The following MSI2 variants were observed in gnomAD, a reference collection of about 807,000 sequenced individuals.
MSI2 encodes RNA-binding protein Musashi homolog 2.
Under a neutral mutation model 45.6 loss-of-function variants are expected in MSI2, and 17 were observed. The observed-to-expected ratio is 0.37, with a 90% confidence interval of 0.26 to 0.56. MSI2 has a LOEUF of 0.56. MSI2 is among the 20% of genes least tolerant of loss of function. MSI2 has a pLI of 0.77. For missense variants in MSI2, 293 were observed against 444.2 expected, an observed-to-expected ratio of 0.66 and a Z score of 3.06; for synonymous variants, 156 against 158.2, an observed-to-expected ratio of 0.99 and a Z score of 0.11.
chr17:57,613,974 T>C (rs1190773909), intron 8 of MSI2, among the ~76,000 whole-genome samples: 1 of 152,194 alleles, frequency 6.6e-6, no homozygotes, highest in Non-Finnish European at 1.5e-5. Context: ...TAAAATATTT[T>C]TTGATTGAAG....
At chr17:57,295,892 C>T (rs1910882975) in intron 5 of MSI2, among the ~76,000 whole-genome samples, 3 of 150,690 alleles carry the variant, frequency 2.0e-5, no homozygotes. Context: ...GAAGGAATTC[C>T]ATAGAACTTT....
At chr17:57,632,980 CT>C in intron 10 of MSI2, 1 of 1,050,602 alleles carries the variant, frequency 9.5e-7, no homozygotes. Flanking sequence ...ATCTGTATGG[CT>C]TTTCCCCATC....
rs56937102 is a variant in MSI2, at chr17:57,314,564, A to AT, written c.312+52398dup. Among the ~76,000 whole-genome samples the AT allele has an allele frequency of 2.8e-3, 172 of 61,640 alleles. 9 individuals carry two copies. Among genetic ancestry groups the AT allele is most frequent in the East Asian group, 0.018 (41 of 2,238 alleles). 40.4% of individuals were successfully genotyped at this position (61,640 alleles called of 152,430 possible). A position where few individuals can be genotyped will look rare whatever the true frequency, so the allele number is the denominator to read the frequency against. ...ACCACCTGTTCAGTCAGGCACCTGG[A>AT]TTTTTTTTTTTTTTTTTTTTTTTTT... is the stretch of plus-strand genomic sequence containing the variant. On this transcript the variant is annotated intron_variant, in intron 5 of 13. Coordinates refer to ENST00000284073, the MANE Select transcript of MSI2 (RefSeq NM_138962.4).
At chr17:57,580,744 G>A (rs2088178770) in intron 7 of MSI2, among the ~76,000 whole-genome samples, 3 of 152,146 alleles carry the variant, frequency 2.0e-5, no homozygotes, top group African/African-American at 7.2e-5. Flanking sequence ...AGTTTGCACT[G>A]GAGACGACAA....
chr17:57,506,222 C>T (rs1021946358), intron 6 of MSI2, among the ~76,000 whole-genome samples: 2 of 152,164 alleles, frequency 1.3e-5, no homozygotes, highest in South Asian at 2.1e-4. Context: ...TTCCCTGCTC[C>T]GGCTCTTTCT....
intron 10 of MSI2, among the ~76,000 whole-genome samples, chr17:57,645,745 G>A (rs1288064428): frequency 1.3e-5 from 2 of 152,212 alleles, no homozygotes; most frequent in East Asian, 3.9e-4. Flanking sequence ...GCTTTTAAAG[G>A]TCCCAGTGCC....
intron 7 of MSI2, among the ~76,000 whole-genome samples, chr17:57,576,753 T>A (rs1367333458): frequency 3.1e-5 from 4 of 128,700 alleles, no homozygotes; most frequent in Non-Finnish European, 3.3e-5. Flanking sequence ...AATCTGTCTT[T>A]AAAAAAAAAA....
chr17:57,690,073 A>G, the MSI2 span, among the ~76,000 whole-genome samples: 1 of 151,886 alleles, frequency 6.6e-6, no homozygotes, highest in Non-Finnish European at 1.5e-5. Flanking sequence ...AAGTGACTGC[A>G]ATATTTTGCA....
At chr17:57,534,242 G>A (rs772563420) in intron 7 of MSI2, among the ~76,000 whole-genome samples, 8 of 152,208 alleles carry the variant, frequency 5.3e-5, no homozygotes, top group Non-Finnish European at 1.0e-4. Context: ...TGGTTAAAGC[G>A]GAGGAGCTGG....
At chr17:57,502,636 T>TATATATATAGAGAGAGAGAG in intron 6 of MSI2, among the ~76,000 whole-genome samples, 2 of 96,896 alleles carry the variant, frequency 2.1e-5, no homozygotes, top group Non-Finnish European at 4.3e-5. Context: ...TATATATATA[T>TATATATATAGAGAGAGAGAG]AGTCATCATT....
chr17:57,424,418 A>C (rs1469224242), intron 6 of MSI2, among the ~76,000 whole-genome samples: 2 of 152,230 alleles, frequency 1.3e-5, no homozygotes, highest in Non-Finnish European at 2.9e-5. Flanking sequence ...GGGGCTTAAC[A>C]GAGGCACAGA....
chr17:57,517,866 G>T (rs1424290486), intron 6 of MSI2, among the ~76,000 whole-genome samples: 1 of 152,160 alleles, frequency 6.6e-6, no homozygotes. Flanking sequence ...CATCAGAGTG[G>T]CAGAAAGAGA....
intron 6 of MSI2, among the ~76,000 whole-genome samples, chr17:57,491,143 G>A (rs181223242): frequency 4.6e-5 from 7 of 152,350 alleles, no homozygotes; most frequent in Non-Finnish European, 8.8e-5. Flanking sequence ...TCTGCCAAGC[G>A]CTCGCATTGG....
chr17:57,606,025 T>G lies in MSI2; in HGVS notation c.537+9075T>G, dbSNP rs367965389. Among the ~76,000 whole-genome samples, 7 of 152,316 alleles carry G rather than the reference T, an allele frequency of 4.6e-5. 1 individual carries two copies. The highest frequency in any genetic ancestry group is 1.7e-4 in the African/African-American group (7 of 41,556). ...TGCCACCATCAGCTTTTTCCCCAAA[T>G]AGTGCGGCCTGGGAAGCTCTCTTTG... On this transcript the variant is annotated intron_variant, in intron 8 of 13. Coordinates refer to ENST00000284073, the MANE Select transcript of MSI2 (RefSeq NM_138962.4).
At chr17:57,678,681 G>GTGGAA (rs1200918748) in intron 13 of MSI2, among the ~76,000 whole-genome samples, 3 of 152,248 alleles carry the variant, frequency 2.0e-5, no homozygotes, top group Admixed American at 1.3e-4. Flanking sequence ...GTGGGGTGGG[G>GTGGAA]TGGAATGGGA....
rs540332996 is a variant in MSI2 at position 57,392,882 on chromosome 17, C to G, written c.313-8497C>G. Among the ~76,000 whole-genome samples, 23 of 152,036 alleles carry G rather than the reference C, an allele frequency of 1.5e-4. No individual in the cohort carries two copies. In the South Asian group the frequency reaches 4.8e-3, roughly 32 times the overall value. On this transcript the variant is annotated intron_variant, in intron 5 of 13. Coordinates refer to ENST00000284073, the MANE Select transcript of MSI2 (RefSeq NM_138962.4). ...CTGGCCTGTCATTTTTTTTTGACAG[C>G]TTTATTGAGATATAATTCAAATACC...
intron 10 of MSI2, chr17:57,633,248 C>T: frequency 5.5e-6 from 5 of 909,844 alleles, no homozygotes; most frequent in Non-Finnish European, 6.6e-6. Context: ...GAGGTGAATG[C>T]ACTGAATAAC....
intron 6 of MSI2, among the ~76,000 whole-genome samples, chr17:57,517,922 C>G (rs945375899): frequency 6.6e-6 from 1 of 152,086 alleles, no homozygotes; most frequent in African/African-American, 2.4e-5. Flanking sequence ...GTCAGAGAGC[C>G]CAAAGGTCAT....
chr17:57,402,973 T>A (rs1405275631), intron 6 of MSI2, among the ~76,000 whole-genome samples: 10 of 152,184 alleles, frequency 6.6e-5, no homozygotes. Context: ...AGCCCCACCC[T>A]GCCTAGGGAG....
Sources: gnomAD v4.1 joint callset for allele counts (sites outside exome capture counted in the v4.1 genomes callset) on GRCh38, gnomAD v4.1.1 for gene constraint, MANE v1.5 for transcripts, NCBI Gene and HGNC (gene_info 2026-07-23, HGNC 2026-07-21) for gene names.